Variants in CACUL1 observed in about 807,000 individuals in gnomAD.
CACUL1 encodes CDK2-associated and cullin domain-containing protein 1.
CACUL1 carries 13 observed loss-of-function variants against 45.2 expected under a neutral mutation model. The ratio of observed to expected loss-of-function variants is 0.29; its 90% confidence interval spans 0.19 to 0.46. The LOEUF (loss-of-function observed/expected upper bound fraction) is 0.46. Ranked by LOEUF, CACUL1 falls within the 20% of genes least tolerant of loss-of-function variation. The pLI is 1.00. For missense variants in CACUL1, 421 were observed against 471.4 expected, an observed-to-expected ratio of 0.89 and a Z score of 0.99; for synonymous variants, 197 against 174.2, an observed-to-expected ratio of 1.13 and a Z score of -1.03.
intron 3 of CACUL1, among the ~76,000 whole-genome samples, chr10:118,724,208 C>T (rs1035744743): frequency 6.6e-6 from 1 of 152,194 alleles, no homozygotes; most frequent in African/African-American, 2.4e-5. Context: ...CCAACCCCCA[C>T]AAGTGTTGTC....
intron 3 of CACUL1, among the ~76,000 whole-genome samples, chr10:118,721,992 T>G (rs991136885): frequency 2.6e-5 from 4 of 152,120 alleles, no homozygotes; most frequent in African/African-American, 9.7e-5. Context: ...CTATCCATGA[T>G]AGTAGTCCCC....
intron 3 of CACUL1, among the ~76,000 whole-genome samples, chr10:118,727,937 A>G (rs1845666109): frequency 6.6e-6 from 1 of 152,256 alleles, no homozygotes; most frequent in South Asian, 2.1e-4. Context: ...GCTATAAAGC[A>G]TAGATCTAGG....
intron 1 of CACUL1, among the ~76,000 whole-genome samples, chr10:118,738,680 T>C (rs1845762761): frequency 6.6e-6 from 1 of 151,950 alleles, no homozygotes; most frequent in African/African-American, 2.4e-5. Flanking sequence ...CTAGCAATTA[T>C]CTTTTTTCAC....
chr10:118,693,464 A>AATTCTCCTTACAAGTAGTATAAATCCT (rs1845291332), intron 6 of CACUL1: 1 of 193,256 alleles, frequency 5.2e-6, no homozygotes, highest in Non-Finnish European at 1.1e-5. Context: ...TCAAATATAG[A>AATTCTCCTTACAAGTAGTATAAATCCT]ATTCTCCTTA....
intron 7 of CACUL1, among the ~76,000 whole-genome samples, chr10:118,688,621 G>A (rs1253521771): frequency 3.9e-5 from 6 of 151,972 alleles, no homozygotes; most frequent in Non-Finnish European, 7.4e-5. Flanking sequence ...CCCAAATTTC[G>A]GCGTCACCTG....
intron 7 of CACUL1, among the ~76,000 whole-genome samples, chr10:118,690,821 G>C (rs575908354): frequency 6.6e-6 from 1 of 152,168 alleles, no homozygotes; most frequent in Non-Finnish European, 1.5e-5. Flanking sequence ...CTAGGCAGGC[G>C]GATCACTTGA....
intron 3 of CACUL1, among the ~76,000 whole-genome samples, chr10:118,719,704 AG>A (rs1251093625): frequency 8.6e-5 from 13 of 151,950 alleles, no homozygotes; most frequent in Admixed American, 8.5e-4. Flanking sequence ...CCAGCTACTC[AG>A]GGGGCCAAGG....
chr10:118,754,167 T>C (rs920328960), intron 1 of CACUL1, among the ~76,000 whole-genome samples: 2 of 151,870 alleles, frequency 1.3e-5, no homozygotes, highest in Non-Finnish European at 2.9e-5. Flanking sequence ...GCTGCCTCTC[T>C]AGGCCAGGTA....
intron 3 of CACUL1, among the ~76,000 whole-genome samples, chr10:118,722,254 T>C (rs1282608188): frequency 6.6e-6 from 1 of 151,990 alleles, no homozygotes; most frequent in Non-Finnish European, 1.5e-5. Flanking sequence ...CGGCTAATTT[T>C]GTATTTTTTT....
chr10:118,750,546 ATC>A (rs1220652133), intron 1 of CACUL1, among the ~76,000 whole-genome samples: 2 of 152,176 alleles, frequency 1.3e-5, no homozygotes, highest in Non-Finnish European at 2.9e-5. Flanking sequence ...AATGCTTTTT[ATC>A]TCTGTCCCAA....
intron 7 of CACUL1, among the ~76,000 whole-genome samples, chr10:118,690,734 C>T (rs1032855456): frequency 6.6e-6 from 1 of 152,162 alleles, no homozygotes; most frequent in African/African-American, 2.4e-5. Flanking sequence ...ACTGCTCACC[C>T]AGTGGGAAAT....
At chr10:118,704,631 T>C (rs992908829) in intron 4 of CACUL1, among the ~76,000 whole-genome samples, 1 of 152,268 alleles carries the variant, frequency 6.6e-6, no homozygotes, top group Non-Finnish European at 1.5e-5. Flanking sequence ...TTAATTGGTT[T>C]CCTACACTGT....
At chr10:118,704,526 T>A (rs1845415290) in intron 4 of CACUL1, among the ~76,000 whole-genome samples, 1 of 152,178 alleles carries the variant, frequency 6.6e-6, no homozygotes, top group African/African-American at 2.4e-5. Flanking sequence ...TACAGGCAAA[T>A]CCTTGGGCAG....
intron 1 of CACUL1, among the ~76,000 whole-genome samples, chr10:118,731,526 T>C (rs1845697916): frequency 6.6e-6 from 1 of 152,232 alleles, no homozygotes; most frequent in African/African-American, 2.4e-5. Context: ...AATGAACTAC[T>C]GAGGAATGTT....
rs115720788 is a variant in CACUL1, at chr10:118,747,697, G to T, written c.367+6699C>A. The stretch of plus-strand genomic sequence containing the variant: ...AAGCACAAAACAATACACATTGTAT[G>T]ATTTCATTTATATGAAATCCTACAG... On this transcript the variant is annotated intron_variant, in intron 1 of 8. Coordinates refer to ENST00000369151, the MANE Select transcript of CACUL1 (RefSeq NM_153810.5). Among the ~76,000 whole-genome samples, 435 of 152,220 alleles carry T rather than the reference G, an allele frequency of 2.9e-3. 3 individuals are homozygous for T. Among genetic ancestry groups the T allele is most frequent in the African/African-American group, 0.01 (417 of 41,522 alleles).
intron 1 of CACUL1, among the ~76,000 whole-genome samples, chr10:118,740,079 G>A (rs531173413): frequency 7.2e-5 from 11 of 152,200 alleles, no homozygotes; most frequent in South Asian, 2.1e-4. Context: ...CTTGGGAGGC[G>A]GAGGTTGTAG....
At chr10:118,703,149 A>G (rs1375808594) in intron 4 of CACUL1, among the ~76,000 whole-genome samples, 1 of 152,208 alleles carries the variant, frequency 6.6e-6, no homozygotes, top group African/African-American at 2.4e-5. Flanking sequence ...TAAGATGCAC[A>G]TGGTTAAAAA....
rs753254158 is a variant in CACUL1, at chr10:118,754,683, G to A, written c.80C>T (p.Ala27Val). The change falls in exon 1 of 9, where the codon GCT becomes GTT. Residue 27 changes from alanine to valine, a missense_variant. Physicochemically the swap from Ala to Val is moderately conservative, Grantham distance 64 (BLOSUM62 0). Around this residue, in one of 2 missense-constraint regions of CACUL1, gnomAD observed 213 missense variants for 173.1 expected, o/e 1.23. Transcript: ENST00000369151. ...GGGCTGCCGGAAGCCGTCCACCGCAGCCTCCCAGTTGTTGTGGTTCTGGTC... is the reference window on the plus strand; with the variant it reads ...GGGCTGCCGGAAGCCGTCCACCGCAACCTCCCAGTTGTTGTGGTTCTGGTC... Reference protein sequence around the residue: ...MDDQNHNNWEAAVDGFRQPLP... With the variant: ...MDDQNHNNWEVAVDGFRQPLP... 6.2e-7 allele frequency: 1 copy of A among 1,608,972 alleles called. No homozygotes were observed. The highest frequency in any genetic ancestry group is 1.1e-5 in the South Asian group (1 of 90,776).
chr10:118,728,984 A>G (rs1845675635), intron 3 of CACUL1, among the ~76,000 whole-genome samples: 1 of 152,244 alleles, frequency 6.6e-6, no homozygotes, highest in Non-Finnish European at 1.5e-5. Context: ...TTTGTATCAT[A>G]AAAGTCACCA....
Sources: allele counts gnomAD v4.1 joint callset (sites outside exome capture counted in the v4.1 genomes callset), GRCh38; gene constraint gnomAD v4.1.1; regional missense constraint gnomAD v4.1.1; transcripts MANE v1.5; gene names NCBI Gene and HGNC (gene_info 2026-07-23, HGNC 2026-07-21).